Variants in KLF8 observed in about 807,000 individuals in gnomAD.
The protein encoded by KLF8 is Krueppel-like factor 8.
Under a neutral mutation model 18.2 loss-of-function variants are expected in KLF8, and 10 were observed. The observed-to-expected ratio is 0.55, with a 90% CI of 0.34 to 0.93. KLF8 has a LOEUF of 0.93. Ranked by LOEUF, KLF8 falls within the 40% of genes least tolerant of loss-of-function variation. The pLI, the probability that KLF8 is intolerant of heterozygous loss-of-function variation, is 0.02. For synonymous variants in KLF8, 109 were observed against 97.3 expected (o/e 1.12, Z -0.71); for missense variants, 264 against 277.9 (o/e 0.95, Z 0.36).
At chrX:56,173,227 T>C in the KLF8 span, among the ~76,000 whole-genome samples, 1 of 111,920 alleles carries the variant, frequency 8.9e-6, no homozygotes, top group African/African-American at 3.3e-5. Flanking sequence ...GTTTTTATGG[T>C]TTTGGGTCTA....
the KLF8 span, among the ~76,000 whole-genome samples, chrX:56,180,931 A>C: frequency 5.5e-3 from 618 of 111,718 alleles, 4 homozygotes; most frequent in Middle Eastern, 9.2e-3. Context: ...AGAAGAATAT[A>C]TATTCTGTTG....
the KLF8 span, among the ~76,000 whole-genome samples, chrX:56,025,265 G>A: frequency 7.1e-5 from 8 of 112,294 alleles, no homozygotes; most frequent in Non-Finnish European, 1.3e-4. Flanking sequence ...GAGCGTTTTC[G>A]AACCTCTCCT....
chrX:56,205,061 G>C, the KLF8 span, among the ~76,000 whole-genome samples: 1 of 110,838 alleles, frequency 9.0e-6, no homozygotes, highest in Non-Finnish European at 1.9e-5. Flanking sequence ...TAGTGTGATG[G>C]TAACAACCAA....
chrX:56,053,636 T>G, the KLF8 span, among the ~76,000 whole-genome samples: 1 of 108,340 alleles, frequency 9.2e-6, no homozygotes, highest in Non-Finnish European at 1.9e-5. Flanking sequence ...CTTCTGGTCT[T>G]GGGCCTTTTT....
At chrX:55,973,454 A>G in the KLF8 span, among the ~76,000 whole-genome samples, 1 of 112,227 alleles carries the variant, frequency 8.9e-6, no homozygotes, top group Non-Finnish European at 1.9e-5. Context: ...CAAACTATGC[A>G]TTTGACAAAG....
chrX:56,159,128 G>A, the KLF8 span, among the ~76,000 whole-genome samples: 2 of 111,926 alleles, frequency 1.8e-5, no homozygotes, highest in African/African-American at 3.2e-5. Flanking sequence ...GGACTTTTCT[G>A]CATCTATTGA....
the KLF8 span, among the ~76,000 whole-genome samples, chrX:56,190,172 A>C: frequency 9.0e-6 from 1 of 111,517 alleles, no homozygotes; most frequent in South Asian, 3.8e-4. Flanking sequence ...TAAATAAGCC[A>C]CCAGTAGCTA....
At chrX:55,912,259 G>A in the KLF8 span, among the ~76,000 whole-genome samples, 1 of 110,938 alleles carries the variant, frequency 9.0e-6, no homozygotes, top group East Asian at 2.8e-4. Flanking sequence ...TGAAGTTTGA[G>A]GACTACCTTA....
the KLF8 span, among the ~76,000 whole-genome samples, chrX:55,912,272 G>C: frequency 4.5e-5 from 5 of 111,075 alleles, no homozygotes; most frequent in Non-Finnish European, 9.4e-5. Context: ...CTACCTTAGA[G>C]GTTAGAGGTT....
At chrX:56,119,605 T>A in the KLF8 span, among the ~76,000 whole-genome samples, 23 of 110,047 alleles carry the variant, frequency 2.1e-4, no homozygotes, top group Non-Finnish European at 1.5e-4. Flanking sequence ...TTTCACCATA[T>A]TGGCCAGGCT....
At chrX:55,927,821 T>A in the KLF8 span, among the ~76,000 whole-genome samples, 1 of 111,681 alleles carries the variant, frequency 9.0e-6, no homozygotes, top group South Asian at 3.8e-4. Context: ...ATGTGTGTTG[T>A]AAATATTTTC....
chrX:56,094,889 T>C, the KLF8 span, among the ~76,000 whole-genome samples: 1 of 111,421 alleles, frequency 9.0e-6, no homozygotes, highest in African/African-American at 3.3e-5. Flanking sequence ...TACCATGCTC[T>C]TGCATTGGAT....
At chrX:56,152,128 T>C in the KLF8 span, among the ~76,000 whole-genome samples, 1 of 112,040 alleles carries the variant, frequency 8.9e-6, no homozygotes, top group Non-Finnish European at 1.9e-5. Flanking sequence ...TATACAGACA[T>C]TTGAAAAGAA....
At chrX:56,222,849 C>A in the KLF8 span, among the ~76,000 whole-genome samples, 1 of 113,099 alleles carries the variant, frequency 8.8e-6, no homozygotes, top group Non-Finnish European at 1.9e-5. Context: ...GCTCCGAGTG[C>A]GGGGCCAGCC....
At chrX:56,007,056 A>G in the KLF8 span, among the ~76,000 whole-genome samples, 5 of 112,195 alleles carry the variant, frequency 4.5e-5, no homozygotes, top group Non-Finnish European at 5.6e-5. Context: ...TGGGGATGCC[A>G]TCAGTGGCAG....
the KLF8 span, among the ~76,000 whole-genome samples, chrX:56,034,949 G>T: frequency 9.3e-6 from 1 of 107,465 alleles, no homozygotes; most frequent in Non-Finnish European, 1.9e-5. Context: ...TAGAGACGGG[G>T]TTTCACCGTG....
chrX:55,917,784 T>A, the KLF8 span, among the ~76,000 whole-genome samples: 2 of 112,084 alleles, frequency 1.8e-5, no homozygotes, highest in Non-Finnish European at 3.8e-5. Context: ...GTATAAAGAT[T>A]ATTTTGTTGA....
chrX:56,113,199 GAA>G, the KLF8 span, among the ~76,000 whole-genome samples: 1 of 70,971 alleles, frequency 1.4e-5, no homozygotes. Flanking sequence ...CTCCATCTCA[GAA>G]AAAAAAAAAA....
the KLF8 span, among the ~76,000 whole-genome samples, chrX:56,110,430 G>T: frequency 5.4e-5 from 6 of 111,737 alleles, no homozygotes; most frequent in Admixed American, 9.5e-5. Flanking sequence ...AGACTCTGTT[G>T]TTAAACTGAT....
Sources: allele counts gnomAD v4.1 joint callset (sites outside exome capture counted in the v4.1 genomes callset), GRCh38; gene constraint gnomAD v4.1.1; transcripts MANE v1.5; gene names NCBI Gene and HGNC (gene_info 2026-07-23, HGNC 2026-07-21).